Variants in DPYD observed in about 807,000 individuals in gnomAD.
DPYD encodes the protein dihydropyrimidine dehydrogenase.
DPYD carries 109 observed loss-of-function variants against 116.2 expected under a neutral mutation model. The ratio of observed to expected loss-of-function variants is 0.94; its 90% CI spans 0.80 to 1.10. The LOEUF (loss-of-function observed/expected upper bound fraction) is 1.10, where lower values mean the gene tolerates loss of function less well. Among genes scored for constraint, DPYD ranks in the 50% least tolerant of loss-of-function variants. The pLI is 0.00. For missense variants in DPYD, 1,302 were observed against 1,254.5 expected, an observed-to-expected ratio of 1.04 and a Z score of -0.57; for synonymous variants, 440 against 432.0, an observed-to-expected ratio of 1.02 and a Z score of -0.23.
intron 20 of DPYD, among the ~76,000 whole-genome samples, chr1:97,176,677 T>C (rs1027698324): frequency 5.3e-5 from 8 of 152,266 alleles, no homozygotes; most frequent in East Asian, 1.9e-4. Flanking sequence ...AACTGGGATG[T>C]TGGGTATCAA....
Position 97,198,149 on chromosome 1 carries a change from T to C in DPYD, c.2443-4901A>G, listed in dbSNP as rs542534826. The stretch of plus-strand genomic sequence containing the variant: ...AGATTCTGGTTTTGTAGCTTTAGAG[T>C]GGGATCCTGGAGTGAGATCCTGCAT... On this transcript the variant is annotated intron_variant, in intron 19 of 22. Coordinates refer to ENST00000370192, the MANE Select transcript of DPYD (RefSeq NM_000110.4). Among the ~76,000 whole-genome samples, 4 of 152,178 alleles carry C rather than the reference T, an allele frequency of 2.6e-5. No homozygotes were observed. The East Asian group carries it at 7.7e-4, about 29-fold the overall frequency.
At chr1:97,651,039 G>A (rs1322731509) in intron 8 of DPYD, among the ~76,000 whole-genome samples, 1 of 152,132 alleles carries the variant, frequency 6.6e-6, no homozygotes, top group Non-Finnish European at 1.5e-5. Context: ...AGTATTTGAT[G>A]AGTGTTCAAT....
chr1:97,086,695 G>C (rs1375022078), intron 21 of DPYD, among the ~76,000 whole-genome samples: 1 of 151,910 alleles, frequency 6.6e-6, no homozygotes, highest in African/African-American at 2.4e-5. Context: ...CTGTCGTAAA[G>C]TAGAAAGAAA....
intron 15 of DPYD, among the ~76,000 whole-genome samples, chr1:97,382,143 A>G (rs1190447064): frequency 6.6e-6 from 1 of 152,216 alleles, no homozygotes; most frequent in Non-Finnish European, 1.5e-5. Flanking sequence ...ATGGATTCAG[A>G]GAATAAAGGA....
At chr1:97,117,121 AC>A (rs1486164953) in intron 20 of DPYD, among the ~76,000 whole-genome samples, 1 of 151,990 alleles carries the variant, frequency 6.6e-6, no homozygotes, top group Non-Finnish European at 1.5e-5. Context: ...CAGAGATCAC[AC>A]CACTGCATTC....
chr1:97,593,262 C>G lies in DPYD; in HGVS notation c.1084G>C (p.Val362Leu), dbSNP rs752020412. Residue 362 changes from valine (V) to leucine (L), a missense_variant, in exon 10 of 23, where the codon GTC (valine) becomes CTC (leucine). Val to Leu is a conservative substitution (Grantham distance 32). Coordinates refer to ENST00000370192, the MANE Select transcript of DPYD (RefSeq NM_000110.4). ...ATATTAACAAAGCCTTTTCTGAAGA[C>G]GATGAACACACGGCGAGCTCCACAA... ...LRCGARRVFI[V>L]FRKGFVNIRA... 1 of 1,613,960 alleles carries G rather than the reference C, an allele frequency of 6.2e-7. No homozygotes were observed. The highest frequency in any genetic ancestry group is 1.3e-5 in the African/African-American group (1 of 74,878).
At chr1:97,465,742 G>A (rs1000401132) in intron 13 of DPYD, among the ~76,000 whole-genome samples, 9 of 152,106 alleles carry the variant, frequency 5.9e-5, no homozygotes, top group African/African-American at 9.7e-5. Context: ...GCCTAGTCCC[G>A]GGTATGTCTT....
intron 8 of DPYD, among the ~76,000 whole-genome samples, chr1:97,598,856 C>T (rs79290905): frequency 0.013 from 1,994 of 152,232 alleles, 23 homozygotes; most frequent in Middle Eastern, 0.024. Flanking sequence ...TGAAGGATCA[C>T]AGAACATGTA....
chr1:97,347,869 T>A (rs1026160916), intron 16 of DPYD, among the ~76,000 whole-genome samples: 2 of 152,158 alleles, frequency 1.3e-5, no homozygotes, highest in Admixed American at 6.6e-5. Context: ...TTTTTTTTGC[T>A]ATAGTCTGTA....
At chr1:97,584,457 T>A (rs1008793145) in intron 10 of DPYD, among the ~76,000 whole-genome samples, 24 of 152,134 alleles carry the variant, frequency 1.6e-4, no homozygotes, top group Non-Finnish European at 2.6e-4. Context: ...GCCATTGTTT[T>A]TAGTGTTTTA....
intron 16 of DPYD, among the ~76,000 whole-genome samples, chr1:97,357,588 A>T (rs560743910): frequency 6.6e-6 from 1 of 152,240 alleles, no homozygotes; most frequent in East Asian, 1.9e-4. Context: ...TGTTACATGG[A>T]TATATTGCAT....
intron 2 of DPYD, among the ~76,000 whole-genome samples, chr1:97,835,044 A>G (rs1669701512): frequency 6.6e-6 from 1 of 152,016 alleles, no homozygotes; most frequent in Admixed American, 6.6e-5. Context: ...GAACATTAAG[A>G]GGTAATCATA....
At chr1:97,232,149 G>A (rs572335401) in intron 19 of DPYD, among the ~76,000 whole-genome samples, 2 of 152,270 alleles carry the variant, frequency 1.3e-5, no homozygotes, top group East Asian at 1.9e-4. Flanking sequence ...AGAATGTCTT[G>A]ATTTCTGGCT....
At chr1:97,370,787 A>G (rs999956508) in intron 16 of DPYD, among the ~76,000 whole-genome samples, 5 of 152,152 alleles carry the variant, frequency 3.3e-5, no homozygotes, top group Non-Finnish European at 7.4e-5. Context: ...CCTTCAGGAG[A>G]GCAAGTGGCT....
rs560285524 is a variant in DPYD, at chr1:97,759,258, C to G, written c.234-18779G>C. The stretch of plus-strand genomic sequence containing the variant: ...TAAATATCTTAAAGTTCTAAGAGCC[C>G]AAGGCATTTGTTGACTAATCATTAG... On this transcript the variant is annotated intron_variant, in intron 3 of 22. Coordinates refer to ENST00000370192, the MANE Select transcript of DPYD (RefSeq NM_000110.4). Among the ~76,000 whole-genome samples the G allele has an allele frequency of 1.1e-4, 17 of 152,126 alleles. 1 individual carries two copies.
At chr1:97,412,583 T>A (rs188073279) in intron 14 of DPYD, among the ~76,000 whole-genome samples, 22 of 152,326 alleles carry the variant, frequency 1.4e-4, no homozygotes, top group African/African-American at 4.3e-4. Context: ...AAAATATAAA[T>A]GTATAAGCAT....
chr1:97,912,119 C>G (rs764973974), intron 1 of DPYD, among the ~76,000 whole-genome samples: 23 of 152,204 alleles, frequency 1.5e-4, no homozygotes, highest in Non-Finnish European at 2.8e-4. Flanking sequence ...CTCCTTCTGT[C>G]TTTGCACCCC....
intron 21 of DPYD, among the ~76,000 whole-genome samples, chr1:97,097,944 T>C (rs917590622): frequency 6.6e-6 from 1 of 152,092 alleles, no homozygotes; most frequent in Non-Finnish European, 1.5e-5. Flanking sequence ...ATGAAAAGTT[T>C]AAGGAAAAAA....
intron 18 of DPYD, among the ~76,000 whole-genome samples, chr1:97,293,515 A>T (rs149212857): frequency 0.021 from 3,170 of 152,334 alleles, 41 homozygotes; most frequent in Non-Finnish European, 0.028. Context: ...TACTGATTAA[A>T]TAGCATAACA....
Sources: gnomAD v4.1 joint callset for allele counts (sites outside exome capture counted in the v4.1 genomes callset) on GRCh38, gnomAD v4.1.1 for gene constraint, MANE v1.5 for transcripts, NCBI Gene and HGNC (gene_info 2026-07-23, HGNC 2026-07-21) for gene names.